SNTB1: variants seen among roughly 807,000 people sequenced by gnomAD.
The protein encoded by SNTB1 is syntrophin beta 1.
In SNTB1, 36 loss-of-function variants were observed where a neutral mutation model predicts 48.9. The ratio of observed to expected loss-of-function variants is 0.74; its 90% CI spans 0.56 to 0.97. SNTB1 has a LOEUF of 0.97. Ranked by LOEUF, SNTB1 falls within the 50% of genes least tolerant of loss-of-function variation. SNTB1 has a pLI of 0.00. For synonymous variants in SNTB1, 299 were observed against 294.6 expected, an observed-to-expected ratio of 1.01 and a Z score of -0.15; for missense variants, 786 against 703.4, an observed-to-expected ratio of 1.12 and a Z score of -1.33.
chr8:120,755,774 A>C (rs1819309065), intron 1 of SNTB1, among the ~76,000 whole-genome samples: 1 of 152,156 alleles, frequency 6.6e-6, no homozygotes, highest in African/African-American at 2.4e-5. Context: ...AGTAAGTACT[A>C]TGTTCCAAGT....
chr8:120,769,439 G>A (rs1365902825), intron 1 of SNTB1: 1 of 152,170 alleles, frequency 6.6e-6, no homozygotes, highest in East Asian at 1.9e-4. Flanking sequence ...GCTTTGACCA[G>A]TGGAGCACAT....
chr8:120,590,250 A>G (rs1178958250), intron 3 of SNTB1, among the ~76,000 whole-genome samples: 3 of 152,128 alleles, frequency 2.0e-5, no homozygotes. Flanking sequence ...CCTCTCTCTC[A>G]CTTTACTTTT....
At chr8:120,737,049 G>A (rs191490649) in intron 1 of SNTB1, among the ~76,000 whole-genome samples, 6 of 152,244 alleles carry the variant, frequency 3.9e-5, no homozygotes, top group South Asian at 4.1e-4. Context: ...ATGATGGAGC[G>A]GCAGTCCAAG....
chr8:120,670,387 A>G (rs1405846321), intron 2 of SNTB1, among the ~76,000 whole-genome samples: 1 of 152,098 alleles, frequency 6.6e-6, no homozygotes, highest in Non-Finnish European at 1.5e-5. Flanking sequence ...ATTGATAGCC[A>G]GGGTTTCTCA....
chr8:120,555,967 C>G (rs959033035), intron 4 of SNTB1, among the ~76,000 whole-genome samples: 1 of 152,166 alleles, frequency 6.6e-6, no homozygotes, highest in Non-Finnish European at 1.5e-5. Context: ...CTTGGACTTC[C>G]AGCCTCCAGA....
At chr8:120,681,271 T>C (rs559016106) in intron 2 of SNTB1, among the ~76,000 whole-genome samples, 1 of 152,318 alleles carries the variant, frequency 6.6e-6, no homozygotes, top group South Asian at 2.1e-4. Context: ...GTTGATCTCC[T>C]GCCTTTTGTA....
intron 1 of SNTB1, among the ~76,000 whole-genome samples, chr8:120,774,141 T>C (rs550262335): frequency 6.6e-6 from 1 of 152,330 alleles, no homozygotes; most frequent in South Asian, 2.1e-4. Context: ...TGCAACCAAC[T>C]ACCTGAGAGG....
intron 3 of SNTB1, among the ~76,000 whole-genome samples, chr8:120,596,757 C>T (rs1816332941): frequency 6.6e-6 from 1 of 152,230 alleles, no homozygotes; most frequent in South Asian, 2.1e-4. Flanking sequence ...TCCTTCACAT[C>T]CCTCCTGTGT....
chr8:120,605,623 T>C (rs1816500953), intron 3 of SNTB1, among the ~76,000 whole-genome samples: 1 of 152,168 alleles, frequency 6.6e-6, no homozygotes, highest in Non-Finnish European at 1.5e-5. Context: ...TTGATGGTGA[T>C]GAAGATGACA....
intron 1 of SNTB1, among the ~76,000 whole-genome samples, chr8:120,800,864 A>G (rs1368452937): frequency 6.9e-6 from 1 of 145,350 alleles, no homozygotes; most frequent in East Asian, 1.9e-4. Context: ...TGATTTAGCT[A>G]ATAATGCCTA....
intron 2 of SNTB1, among the ~76,000 whole-genome samples, chr8:120,664,581 C>A (rs529677895): frequency 6.6e-6 from 1 of 152,280 alleles, no homozygotes; most frequent in African/African-American, 2.4e-5. Context: ...TTTTAAGATT[C>A]ATCCATGTTG....
chr8:120,783,231 T>G (rs963992435), intron 1 of SNTB1, among the ~76,000 whole-genome samples: 2 of 152,186 alleles, frequency 1.3e-5, no homozygotes, highest in East Asian at 3.8e-4. Context: ...GTTGGTTGGT[T>G]TTCACTAACT....
At chr8:120,693,226 C>A (rs1818157247) in intron 2 of SNTB1, among the ~76,000 whole-genome samples, 1 of 152,218 alleles carries the variant, frequency 6.6e-6, no homozygotes, top group South Asian at 2.1e-4. Flanking sequence ...ACACCTCTCA[C>A]TGGACCCCCA....
intron 2 of SNTB1, among the ~76,000 whole-genome samples, chr8:120,686,915 GCCCAACA>G (rs1818044955): frequency 6.6e-6 from 1 of 152,072 alleles, no homozygotes; most frequent in South Asian, 2.1e-4. Flanking sequence ...ACCATGACGT[GCCCAACA>G]AAGAATGAAG....
At chr8:120,684,087 G>A (rs758187418) in intron 2 of SNTB1, among the ~76,000 whole-genome samples, 4 of 152,104 alleles carry the variant, frequency 2.6e-5, no homozygotes, top group Non-Finnish European at 4.4e-5. Context: ...TAGCAGATTT[G>A]GTGTCTGGTT....
intron 1 of SNTB1, among the ~76,000 whole-genome samples, chr8:120,796,135 T>C (rs751655623): frequency 4.6e-5 from 7 of 151,950 alleles, no homozygotes; most frequent in Non-Finnish European, 8.8e-5. Flanking sequence ...TCAAAGTGTG[T>C]AGCACCTCCC....
chr8:120,759,940 C>T (rs1819387721), intron 1 of SNTB1, among the ~76,000 whole-genome samples: 1 of 152,080 alleles, frequency 6.6e-6, no homozygotes, highest in Admixed American at 6.6e-5. Flanking sequence ...GGACCTATGT[C>T]TAGAGTGTAC....
intron 2 of SNTB1, among the ~76,000 whole-genome samples, chr8:120,659,929 T>G (rs1479437307): frequency 6.6e-6 from 1 of 152,156 alleles, no homozygotes; most frequent in African/African-American, 2.4e-5. Flanking sequence ...CCAGTTACAG[T>G]GTCAATAAGC....
chr8:120,743,191 G>A (rs545385721), intron 1 of SNTB1, among the ~76,000 whole-genome samples: 63 of 152,246 alleles, frequency 4.1e-4, no homozygotes, highest in African/African-American at 9.6e-4. Context: ...GGAAACTTCT[G>A]ATTAGTAGAG....
Sources: allele counts gnomAD v4.1 joint callset (sites outside exome capture counted in the v4.1 genomes callset), GRCh38; gene constraint gnomAD v4.1.1; transcripts MANE v1.5; gene names NCBI Gene and HGNC (gene_info 2026-07-23, HGNC 2026-07-21).